DNAH6: variants seen among roughly 807,000 people sequenced by gnomAD.
The protein encoded by DNAH6 is dynein axonemal heavy chain 6, also known as axonemal beta dynein heavy chain 6.
In DNAH6, 340 loss-of-function variants were observed where a neutral mutation model predicts 491.4. That is an observed-to-expected ratio of 0.69 (90% CI 0.63 to 0.76). The LOEUF is 0.76. Ranked by LOEUF, DNAH6 falls within the 30% of genes least tolerant of loss-of-function variation. The probability of loss-of-function intolerance (pLI) is 0.00; values close to 1 mark genes in which losing one functional copy is unlikely to be tolerated. For synonymous variants in DNAH6, 1,603 were observed against 1,686.1 expected (o/e 0.95, Z 1.21); for missense variants, 4,443 against 4,972.2 (o/e 0.89, Z 3.20).
chr2:84,583,058 T>C lies in DNAH6; in HGVS notation c.2230-941T>C, dbSNP rs968571541. On this transcript the variant is annotated intron_variant, in intron 14 of 76. Transcript: ENST00000389394. ...GTGGCAGAGTTGCGGGTAAGGAGCA[T>C]TCCCAAAACTGGGGTATCCCTTGCC... Among the ~76,000 whole-genome samples the C allele has an allele frequency of 5.3e-5, 8 of 152,292 alleles. No homozygotes were observed. The East Asian group carries it at 1.5e-3, about 29-fold the overall frequency.
chr2:84,699,606 T>G lies in DNAH6; in HGVS notation c.7690T>G (p.Phe2564Val). The stretch of plus-strand genomic sequence containing the variant: ...TTCTTTTTGTCAGGTGTTTCAATAC[T>G]TTATCAGCAAAGTGCGTCAGAAGCT... ...EGNRDEVFQY[F>V]ISKVRQKLHI... The change falls in exon 48 of 77, where the codon TTT becomes GTT. Residue 2564 changes from phenylalanine (F) to valine (V), a missense_variant. Physicochemically the swap from Phe to Val is conservative, Grantham distance 50. Around this residue, in one of 3 missense-constraint regions of DNAH6, gnomAD observed 2,977 missense variants for 3,296.6 expected, o/e 0.90. Coordinates refer to ENST00000389394, the MANE Select transcript of DNAH6 (RefSeq NM_001370.2). 1 of 1,549,492 alleles carries G rather than the reference T, an allele frequency of 6.5e-7. No homozygotes were observed. The highest frequency in any genetic ancestry group is 8.7e-7 in the Non-Finnish European group (1 of 1,146,338).
At chr2:84,467,125 C>T in the DNAH6 span, among the ~76,000 whole-genome samples, 12 of 152,180 alleles carry the variant, frequency 7.9e-5, no homozygotes, top group African/African-American at 2.9e-4. Context: ...ACCCCTTTAA[C>T]TTTAGCCAGT....
rs1158842050 is a variant in DNAH6, at chr2:84,697,602, A to G, written c.7552A>G (p.Ile2518Val). The change falls in exon 47 of 77, where the codon ATA (isoleucine) becomes GTA (valine). Residue 2518 changes from isoleucine (I) to valine (V), a missense_variant. By Grantham distance (29) the Ile-to-Val change is conservative. Transcript: ENST00000389394. ...QIVVEEFLED[I>V]NNILNSGEVP... ...TGTAGTGGAGGAGTTCCTAGAAGAT[A>G]TAAATAACATCCTGAACTCAGGTGA... 6 of 1,551,874 alleles carry G rather than the reference A, an allele frequency of 3.9e-6. No homozygotes were observed. The East Asian group carries it at 9.8e-5, about 25-fold the overall frequency.
At chr2:84,664,515 A>G (rs1573406579) in intron 37 of DNAH6, among the ~76,000 whole-genome samples, 2 of 152,346 alleles carry the variant, frequency 1.3e-5, no homozygotes, top group East Asian at 3.9e-4. Context: ...CCCATTACAT[A>G]ATAGTAAAGG....
At chr2:84,659,348 C>T (rs1691264010) in intron 37 of DNAH6, among the ~76,000 whole-genome samples, 179 bp downstream of exon 37, 1 of 151,960 alleles carries the variant, frequency 6.6e-6, no homozygotes, top group Non-Finnish European at 1.5e-5. Context: ...AAGTTAGGAG[C>T]CCTCTCCCAG....
intron 45 of DNAH6, 130 bp downstream of exon 45, chr2:84,688,723 A>G (rs1694543947): frequency 4.5e-6 from 3 of 672,264 alleles, no homozygotes; most frequent in Non-Finnish European, 7.0e-6. Context: ...AACTCTCACC[A>G]TAACTTAAGA....
At chr2:84,738,702 C>G (rs1672234379) in intron 62 of DNAH6, among the ~76,000 whole-genome samples, 1 of 152,142 alleles carries the variant, frequency 6.6e-6, no homozygotes, top group African/African-American at 2.4e-5. Context: ...TTCTCCATCC[C>G]TTTACTTTGA....
Position 84,669,441 on chromosome 2 carries a change from G to A in DNAH6, c.6237G>A (p.Gly2079=). ...CCACAACTGACACAGTGCGCTATGG[G>A]TATCTAATGGAAAAACTACTGGCAG... The part of the protein sequence containing the change: ...LVPTTDTVRY[G]YLMEKLLAVK... Residue 2079 remains glycine (G), a synonymous_variant, in exon 38 of 77, where the codon GGG becomes GGA. Transcript: ENST00000389394. The A allele has an allele frequency of 6.4e-7, 1 of 1,551,968 alleles. No individual in the cohort carries two copies. Among genetic ancestry groups the A allele is most frequent in the Non-Finnish European group, 8.7e-7 (1 of 1,147,038 alleles).
chr2:84,664,806 C>A (rs572786864), intron 37 of DNAH6, among the ~76,000 whole-genome samples: 3 of 152,344 alleles, frequency 2.0e-5, no homozygotes, highest in South Asian at 4.1e-4. Flanking sequence ...TTCTTCTCAG[C>A]ACCACATCGC....
chr2:84,797,737 T>G, intron 70 of DNAH6, 79 bp downstream of exon 70: 1 of 1,125,874 alleles, frequency 8.9e-7, no homozygotes, highest in Non-Finnish European at 1.3e-6. Flanking sequence ...CCCCACTCAC[T>G]CTGGAAATTA....
intron 69 of DNAH6, among the ~76,000 whole-genome samples, 197 bp from the exon 70 acceptor site, chr2:84,797,340 G>A (rs1164164751): frequency 6.6e-6 from 1 of 152,190 alleles, no homozygotes; most frequent in Non-Finnish European, 1.5e-5. Flanking sequence ...ACAGTAATGA[G>A]ATTCTCAAGG....
chr2:84,632,764 T>G (rs6726617), intron 29 of DNAH6, among the ~76,000 whole-genome samples: 20,996 of 152,176 alleles, frequency 0.14, 2,243 homozygotes, highest in African/African-American at 0.3. Context: ...TTCTTATCTC[T>G]GACTAATCCC....
rs955084404 is a variant in DNAH6, at chr2:84,547,215, C to T, written c.931-53C>T. ...ATTCTTGCTTTTTGAATGTTCTATA[C>T]TTTTAAAATACAGAATATTTTTACT... On this transcript the variant is annotated intron_variant, in intron 5 of 76. Transcript: ENST00000389394. 13 of 1,415,628 alleles carry T rather than the reference C, an allele frequency of 9.2e-6. No homozygotes were observed. The South Asian group carries it at 1.6e-4, about 18-fold the overall frequency. 87.7% of individuals were successfully genotyped at this position (1,415,628 alleles called of 1,614,324 possible). A position where few individuals can be genotyped will look rare whatever the true frequency, so the allele number is the denominator to read the frequency against.
In DNAH6 at chr2:84,619,702, A is replaced by G. The variant is rs1265654198; in HGVS notation, c.3590A>G (p.Asn1197Ser). The G allele has an allele frequency of 6.4e-7, 1 of 1,551,498 alleles. No homozygotes were observed. The highest frequency in any genetic ancestry group is 2.4e-5 in the East Asian group (1 of 40,910). The change falls in exon 24 of 77, where the codon AAT becomes AGT. Residue 1197 changes from asparagine to serine, a missense_variant. Physicochemically the swap from Asn to Ser is conservative, Grantham distance 46 (BLOSUM62 1). Around this residue, in one of 3 missense-constraint regions of DNAH6, gnomAD observed 2,977 missense variants for 3,296.6 expected, o/e 0.90. Transcript: ENST00000389394. ...VIFPRFYFLS[N>S]DELLEILAQT... The stretch of plus-strand genomic sequence containing the variant: ...TAATCCAGGTTTTACTTCTTGTCAA[A>G]TGATGAACTTCTGGAGATTTTGGCC...
At chr2:84,654,475 T>G (rs1690758500) in intron 34 of DNAH6, among the ~76,000 whole-genome samples, 185 bp from the exon 35 acceptor site, 2 of 152,196 alleles carry the variant, frequency 1.3e-5, no homozygotes, top group Admixed American at 6.5e-5. Flanking sequence ...TTTCACCTTA[T>G]ACGTCATTTA....
chr2:84,662,053 C>T (rs1256696556), intron 37 of DNAH6, among the ~76,000 whole-genome samples: 1 of 152,064 alleles, frequency 6.6e-6, no homozygotes, highest in African/African-American at 2.4e-5. Flanking sequence ...ATATATGAAA[C>T]TCTCTAAAAT....
intron 64 of DNAH6, among the ~76,000 whole-genome samples, chr2:84,776,789 G>A (rs1274037605): frequency 6.6e-6 from 1 of 152,208 alleles, no homozygotes; most frequent in African/African-American, 2.4e-5. Flanking sequence ...AAAGGCACAT[G>A]CACACATATG....
intron 45 of DNAH6, among the ~76,000 whole-genome samples, chr2:84,690,592 C>T (rs1328264170): frequency 6.6e-6 from 1 of 152,158 alleles, no homozygotes; most frequent in Non-Finnish European, 1.5e-5. Context: ...TTACCAGGCC[C>T]CTCAAGGTTT....
chr2:84,692,946 A>G (rs1695020046), intron 45 of DNAH6, among the ~76,000 whole-genome samples: 1 of 152,180 alleles, frequency 6.6e-6, no homozygotes, highest in Non-Finnish European at 1.5e-5. Context: ...TAAACTTTTC[A>G]ATTGTGTTTA....
Sources: allele counts gnomAD v4.1 joint callset (sites outside exome capture counted in the v4.1 genomes callset), GRCh38; gene constraint gnomAD v4.1.1; regional missense constraint gnomAD v4.1.1; transcripts MANE v1.5; gene names NCBI Gene and HGNC (gene_info 2026-07-23, HGNC 2026-07-21).